Variants in TTC9C observed in about 807,000 individuals in gnomAD.
TTC9C encodes tetratricopeptide repeat domain 9C, also known as tetratricopeptide repeat protein 9C.
TTC9C carries 15 observed loss-of-function variants against 22.5 expected under a neutral mutation model. That is an observed-to-expected ratio of 0.67 (90% CI 0.45 to 1.03). The LOEUF (loss-of-function observed/expected upper bound fraction) is 1.03, where lower values mean the gene tolerates loss of function less well. Ranked by LOEUF, TTC9C falls within the 50% of genes least tolerant of loss-of-function variation. The probability of loss-of-function intolerance (pLI) is 0.00; values close to 1 mark genes in which losing one functional copy is unlikely to be tolerated. For synonymous variants in TTC9C, 92 were observed against 86.8 expected, an observed-to-expected ratio of 1.06 and a Z score of -0.33; for missense variants, 244 against 214.6, an observed-to-expected ratio of 1.14 and a Z score of -0.86.
chr11:62,738,245 C>G (rs1484467829), intron 2 of TTC9C, 43 bp from the exon 3 acceptor site: 14 of 1,285,160 alleles, frequency 1.1e-5, no homozygotes, highest in Admixed American at 1.8e-5. Flanking sequence ...ATGGTCTTAA[C>G]TGACTCTAAC....
chr11:62,735,816 A>G, intron 2 of TTC9C: 1 of 372,726 alleles, frequency 2.7e-6, no homozygotes, highest in Non-Finnish European at 4.6e-6. Flanking sequence ...CATACACAAT[A>G]TATATGTTGG....
Position 62,735,745 on chromosome 11 carries a change from T to C in TTC9C, c.421+181T>C. 8.7e-6 allele frequency: 10 copies of C among 1,143,842 alleles called. No individual in the cohort carries two copies. In the South Asian group the frequency reaches 1.9e-4, roughly 22 times the overall value. The allele number at this position is 1,143,842 out of a possible 1,614,324, so 70.9% of individuals were successfully genotyped here. A position where few individuals can be genotyped will look rare whatever the true frequency, so the allele number is the denominator to read the frequency against. ...CAGACCTTTTTCCACTCTTGTGTTC[T>C]TGTCTCCACAGAAAAGCAGTATTAT... On this transcript the variant is annotated intron_variant, in intron 2 of 2. Coordinates refer to ENST00000316461, the MANE Select transcript of TTC9C (RefSeq NM_173810.4).
At chr11:62,730,874 T>G (rs1031921745) in intron 1 of TTC9C, among the ~76,000 whole-genome samples, 1 of 139,504 alleles carries the variant, frequency 7.2e-6, no homozygotes, top group African/African-American at 2.7e-5. Context: ...CGCCTGGCCT[T>G]ATTTTTTATT....
chr11:62,728,294 A>G (rs2083787618), upstream of TTC9C: 1 of 351,144 alleles, frequency 2.8e-6, no homozygotes, highest in African/African-American at 2.1e-5. Context: ...TGTGACGCTT[A>G]TGTGGACACC....
upstream of TTC9C, chr11:62,728,192 C>T (rs2083786147): frequency 3.4e-6 from 1 of 290,684 alleles, no homozygotes; most frequent in African/African-American, 2.2e-5. Flanking sequence ...CCTCTCCTTG[C>T]TCCTGCTGGT....
intron 1 of TTC9C, among the ~76,000 whole-genome samples, chr11:62,732,262 T>A (rs997392952): frequency 3.2e-4 from 48 of 152,076 alleles, no homozygotes; most frequent in African/African-American, 1.1e-3. Flanking sequence ...CCCAAAGTGC[T>A]GGCATTACAG....
chr11:62,732,097 A>G (rs1590911011), intron 1 of TTC9C, among the ~76,000 whole-genome samples: 1 of 131,752 alleles, frequency 7.6e-6, no homozygotes, highest in African/African-American at 3.0e-5. Flanking sequence ...CTGGGTTCAC[A>G]CCATTCCCCT....
intron 2 of TTC9C, among the ~76,000 whole-genome samples, chr11:62,736,748 T>TA: frequency 6.8e-6 from 1 of 148,112 alleles, no homozygotes; most frequent in Non-Finnish European, 1.5e-5. Flanking sequence ...CCCAGCTACT[T>TA]AGGAGGCTGA....
At chr11:62,730,625 G>A (rs646194) in intron 1 of TTC9C, among the ~76,000 whole-genome samples, 3,710 of 152,184 alleles carry the variant, frequency 0.024, 152 homozygotes, top group African/African-American at 0.084. Context: ...CCAGGCTGGA[G>A]TGCAATGGCA....
Position 62,738,440 on chromosome 11 carries a change from G to A in TTC9C, c.*58G>A. ...AGGTGGACCATTAAACATGCATGAA[G>A]GAGAAATCTGAGCCTCAGCAAGAGA... On this transcript the variant is annotated 3_prime_UTR_variant, in exon 3 of 3. Transcript: ENST00000316461. 1.6e-6 allele frequency: 2 copies of A among 1,226,610 alleles called. No homozygotes were observed. Among genetic ancestry groups the A allele is most frequent in the Non-Finnish European group, 2.4e-6 (2 of 847,210 alleles). 76.0% of individuals were successfully genotyped at this position (1,226,610 alleles called of 1,614,324 possible). A position where few individuals can be genotyped will look rare whatever the true frequency, so the allele number is the denominator to read the frequency against.
intron 1 of TTC9C, among the ~76,000 whole-genome samples, chr11:62,730,875 AT>A (rs1341515981): frequency 6.8e-6 from 1 of 146,392 alleles, no homozygotes; most frequent in Non-Finnish European, 1.5e-5. Context: ...GCCTGGCCTT[AT>A]TTTTTATTTT....
Position 62,738,351 on chromosome 11 carries a change from A to G in TTC9C, c.485A>G (p.Glu162Gly), listed in dbSNP as rs2083936201. Reference protein sequence around the residue: ...QSELSSYHRKEKQLYLGMFG With the variant: ...QSELSSYHRKGKQLYLGMFG ...GAACTCAGCAGCTACCATAGAAAAG[A>G]GAAGCAGCTCTACCTGGGCATGTTT... is the stretch of plus-strand genomic sequence containing the variant. Residue 162 changes from glutamate to glycine, a missense_variant, in exon 3 of 3, where the codon GAG (glutamate) becomes GGG (glycine). Transcript: ENST00000316461. 1.2e-6 allele frequency: 2 copies of G among 1,612,900 alleles called. No individual in the cohort carries two copies. The highest frequency in any genetic ancestry group is 2.7e-5 in the African/African-American group (2 of 74,912).
chr11:62,730,883 T>A (rs1432847779), intron 1 of TTC9C, among the ~76,000 whole-genome samples: 2 of 138,924 alleles, frequency 1.4e-5, no homozygotes, highest in Non-Finnish European at 3.1e-5. Flanking sequence ...TTATTTTTTA[T>A]TTTATTTATT....
chr11:62,731,251 C>T (rs1434265322), intron 1 of TTC9C, among the ~76,000 whole-genome samples: 1 of 152,086 alleles, frequency 6.6e-6, no homozygotes, highest in Admixed American at 6.6e-5. Flanking sequence ...CTTTTGTAGG[C>T]TGTCTTTCCA....
At chr11:62,735,095 A>G (rs895619288) in intron 1 of TTC9C, among the ~76,000 whole-genome samples, 2 of 151,578 alleles carry the variant, frequency 1.3e-5, no homozygotes, top group Non-Finnish European at 2.9e-5. Flanking sequence ...GGGTTTCTCC[A>G]TGTTGTCAGG....
At chr11:62,737,783 A>G (rs1299305427) in intron 2 of TTC9C, among the ~76,000 whole-genome samples, 1 of 152,196 alleles carries the variant, frequency 6.6e-6, no homozygotes, top group Non-Finnish European at 1.5e-5. Flanking sequence ...CTGTAATCCC[A>G]GCACTTTGGG....
At chr11:62,735,253 T>C (rs1438671158) in intron 1 of TTC9C, 129 bp from the exon 2 acceptor site, 1 of 1,252,888 alleles carries the variant, frequency 8.0e-7, no homozygotes, top group East Asian at 2.6e-5. Context: ...GTCTGGCATA[T>C]GGGAGACACT....
At chr11:62,733,072 C>A in intron 1 of TTC9C, 1 of 1,166,518 alleles carries the variant, frequency 8.6e-7, no homozygotes, top group Non-Finnish European at 1.1e-6. Flanking sequence ...GATTCTTGAT[C>A]TTTCTCAGCA....
intron 1 of TTC9C, chr11:62,732,972 C>CTTTTT: frequency 2.5e-5 from 5 of 200,768 alleles, no homozygotes; most frequent in East Asian, 1.7e-4. Flanking sequence ...TATTCCTCCA[C>CTTTTT]TTTTTTTTTT....
Sources: gnomAD v4.1 joint callset for allele counts (sites outside exome capture counted in the v4.1 genomes callset) on GRCh38, gnomAD v4.1.1 for gene constraint, MANE v1.5 for transcripts, NCBI Gene and HGNC (gene_info 2026-07-23, HGNC 2026-07-21) for gene names.